POLR3A: variants seen among roughly 807,000 people sequenced by gnomAD.
The protein encoded by POLR3A is RNA polymerase III subunit A.
In POLR3A, 112 loss-of-function variants were observed where a neutral mutation model predicts 152.8. The ratio of observed to expected loss-of-function variants is 0.73; its 90% confidence interval spans 0.63 to 0.86. The LOEUF (loss-of-function observed/expected upper bound fraction) is 0.86. Ranked by LOEUF, POLR3A falls within the 40% of genes least tolerant of loss-of-function variation. The probability of loss-of-function intolerance (pLI) is 0.00; values close to 1 mark genes in which losing one functional copy is unlikely to be tolerated. For synonymous variants in POLR3A, 615 were observed against 652.1 expected, an observed-to-expected ratio of 0.94 and a Z score of 0.87; for missense variants, 1,385 against 1,743.1, an observed-to-expected ratio of 0.79 and a Z score of 3.66.
chr10:78,010,207 T>A (rs943993767), intron 12 of POLR3A, among the ~76,000 whole-genome samples: 14 of 151,306 alleles, frequency 9.3e-5, no homozygotes, highest in Admixed American at 6.6e-5. Flanking sequence ...GGACAGATTC[T>A]AAGCCAGACA....
At chr10:77,990,528 G>A (rs369736143) in intron 21 of POLR3A, among the ~76,000 whole-genome samples, 5 of 151,884 alleles carry the variant, frequency 3.3e-5, no homozygotes, top group African/African-American at 1.2e-4. Context: ...TGGCTTGAGT[G>A]AAAGACATAA....
chr10:78,021,749 GGA>G (rs1847581677), intron 7 of POLR3A, 67 bp from the exon 8 acceptor site: 2 of 1,610,502 alleles, frequency 1.2e-6, no homozygotes, highest in Admixed American at 3.3e-5. Flanking sequence ...CAATAAGAAC[GGA>G]GAGACTGAGG....
At chr10:77,991,832 T>C (rs556957590) in intron 20 of POLR3A, among the ~76,000 whole-genome samples, 2 of 152,330 alleles carry the variant, frequency 1.3e-5, no homozygotes, top group South Asian at 4.1e-4. Context: ...TTCCTCTTTT[T>C]TCCTCTCCTC....
chr10:77,978,482 G>C (rs1847109875), intron 30 of POLR3A, among the ~76,000 whole-genome samples: 1 of 152,124 alleles, frequency 6.6e-6, no homozygotes. Context: ...GCTGGTGTAT[G>C]GGGCCGCAGA....
At chr10:78,004,608 G>A in intron 16 of POLR3A, 108 bp downstream of exon 16, 1 of 876,358 alleles carries the variant, frequency 1.1e-6, no homozygotes, top group Non-Finnish European at 1.8e-6. Flanking sequence ...GCCTTGACTT[G>A]CCCACTCCTT....
In POLR3A at chr10:77,985,899, C is replaced by T. The variant is rs1378162640; in HGVS notation, c.3071+4G>A. 13 of 1,610,634 alleles carry T rather than the reference C, an allele frequency of 8.1e-6. No homozygotes were observed. In the East Asian group the frequency reaches 8.9e-5, roughly 11 times the overall value. ...CCGTCAGTCCAAGACAAAAGCATCCCTACCTCATGTACTTGTCCCTACAGG... is the reference window on the plus strand; with the variant it reads ...CCGTCAGTCCAAGACAAAAGCATCCTTACCTCATGTACTTGTCCCTACAGG... On this transcript the variant is annotated splice_donor_region_variant and intron_variant, in intron 23 of 30. Transcript: ENST00000372371.
In POLR3A at chr10:78,007,742, A is replaced by T; in HGVS notation, c.2034T>A (p.Asp678Glu). Reference protein sequence around the residue: ...LRDWGQNEAADAMSRLARLAP... With the variant: ...LRDWGQNEAAEAMSRLARLAP... ...CCAGCCTGGCGAGCCGTGACATGGC[A>T]TCTGCAGCTTCATTCTGTCCCCAGT... Residue 678 changes from aspartate to glutamate, a missense_variant, in exon 15 of 31, where the codon GAT becomes GAA. Coordinates refer to ENST00000372371, the MANE Select transcript of POLR3A (RefSeq NM_007055.4). 6.2e-7 allele frequency: 1 copy of T among 1,614,086 alleles called. No homozygotes were observed.
At chr10:78,025,849 ATTTCT>A (rs1423420242) in intron 2 of POLR3A, 90 bp from the exon 3 acceptor site, 1 of 1,293,776 alleles carries the variant, frequency 7.7e-7, no homozygotes, top group Admixed American at 1.7e-5. Flanking sequence ...ACACAGAATC[ATTTCT>A]TTTGCTTCTT....
intron 15 of POLR3A, among the ~76,000 whole-genome samples, chr10:78,005,158 C>T (rs1847398865): frequency 6.6e-6 from 1 of 152,194 alleles, no homozygotes; most frequent in African/African-American, 2.4e-5. Flanking sequence ...AAACACAATA[C>T]CGTTTCCAAC....
At chr10:78,022,544 T>C (rs1419088122) in intron 5 of POLR3A, among the ~76,000 whole-genome samples, 160 bp from the exon 6 acceptor site, 1 of 152,222 alleles carries the variant, frequency 6.6e-6, no homozygotes, top group Non-Finnish European at 1.5e-5. Flanking sequence ...AGCCTTAAAA[T>C]TGTGTATGTC....
intron 19 of POLR3A, among the ~76,000 whole-genome samples, chr10:77,996,455 T>C (rs953830873): frequency 3.3e-5 from 5 of 151,818 alleles, no homozygotes; most frequent in South Asian, 2.1e-4. Flanking sequence ...ATCAAATAGA[T>C]GCAATAAAAA....
chr10:77,975,482 T>A lies in POLR3A; in HGVS notation c.*1996A>T, dbSNP rs1391477524. ...CCCATGGGTGATGTGATCCTTCACA[T>A]AACCATTCTGCTCCAAGGTCTGCCT... is the stretch of plus-strand genomic sequence containing the variant. On this transcript the variant is annotated 3_prime_UTR_variant, in exon 31 of 31. Coordinates refer to ENST00000372371, the MANE Select transcript of POLR3A (RefSeq NM_007055.4). 2.0e-5 allele frequency: 3 copies of A among 152,214 alleles called. No individual in the cohort carries two copies. The highest frequency in any genetic ancestry group is 7.2e-5 in the African/African-American group (3 of 41,436). The allele number at this position is 152,214 out of a possible 1,614,324, so 9.4% of individuals were successfully genotyped here.
chr10:77,978,785 C>T (rs1170042389), intron 30 of POLR3A, among the ~76,000 whole-genome samples: 4 of 151,826 alleles, frequency 2.6e-5, no homozygotes, highest in East Asian at 3.9e-4. Flanking sequence ...CTCAGCCTCC[C>T]GAGTAGCTGG....
At chr10:78,019,586 C>T (rs1182542291) in intron 8 of POLR3A, 7 of 385,108 alleles carry the variant, frequency 1.8e-5, no homozygotes, top group East Asian at 1.1e-4. Flanking sequence ...AAACAGGTGG[C>T]GACTTGATCT....
chr10:78,022,934 G>C (rs887196221), intron 5 of POLR3A, among the ~76,000 whole-genome samples: 1 of 152,192 alleles, frequency 6.6e-6, no homozygotes, highest in African/African-American at 2.4e-5. Flanking sequence ...GAGGTAGGTA[G>C]ATTACCTGAG....
chr10:78,013,114 T>C (rs114494273), intron 11 of POLR3A: 4 of 185,204 alleles, frequency 2.2e-5, no homozygotes, highest in South Asian at 2.1e-4. Context: ...GGGCACTCCT[T>C]ATGCATTTGT....
chr10:78,007,690 TGAG>T lies in POLR3A; in HGVS notation c.2074+9_2074+11del. The T allele has an allele frequency of 3.1e-6, 5 of 1,597,126 alleles. No individual in the cohort carries two copies. The highest frequency in any genetic ancestry group is 4.3e-6 in the Non-Finnish European group (5 of 1,164,548). Reference sequence around the variant, plus strand: ...GCAGCTTTAACTAAAAGAAGGATGCTGAGATACTTACACAGGTAGACAGGAGCC... The same window carrying T: ...GCAGCTTTAACTAAAAGAAGGATGCTATACTTACACAGGTAGACAGGAGCC... On this transcript the variant is annotated intron_variant, in intron 15 of 30. Coordinates refer to ENST00000372371, the MANE Select transcript of POLR3A (RefSeq NM_007055.4).
At chr10:77,979,103 C>T (rs1847116261) in intron 30 of POLR3A, among the ~76,000 whole-genome samples, 2 of 152,156 alleles carry the variant, frequency 1.3e-5, no homozygotes, top group South Asian at 2.1e-4. Context: ...ACACCATGCC[C>T]GCTCTCACCC....
At chr10:77,987,433 G>A (rs1251445777) in intron 21 of POLR3A, among the ~76,000 whole-genome samples, 1 of 152,058 alleles carries the variant, frequency 6.6e-6, no homozygotes, top group African/African-American at 2.4e-5. Context: ...ACACATGGAG[G>A]ACAAGCAGCT....
Sources: gnomAD v4.1 joint callset for allele counts (sites outside exome capture counted in the v4.1 genomes callset) on GRCh38, gnomAD v4.1.1 for gene constraint, MANE v1.5 for transcripts, NCBI Gene and HGNC (gene_info 2026-07-23, HGNC 2026-07-21) for gene names.